Variants in ENAH observed in about 807,000 individuals in gnomAD.
The protein encoded by ENAH is ENAH actin regulator, also known as protein enabled homolog.
A neutral mutation model predicts 78.7 loss-of-function variants in ENAH; 23 were observed. The ratio of observed to expected loss-of-function variants is 0.29; its 90% CI spans 0.21 to 0.41. ENAH has a LOEUF of 0.41. Ranked by LOEUF, ENAH falls within the 10% of genes least tolerant of loss-of-function variation. The pLI, the probability that ENAH is intolerant of heterozygous loss-of-function variation, is 1.00. For synonymous variants in ENAH, 226 were observed against 241.0 expected (o/e 0.94, Z 0.58); for missense variants, 544 against 691.0 (o/e 0.79, Z 2.39).
At chr1:225,580,398 CCGTGATGACTTCAGTTGAGA>C (rs2096810122) in intron 1 of ENAH, 1 of 152,150 alleles carries the variant, frequency 6.6e-6, no homozygotes, top group Non-Finnish European at 1.5e-5. Flanking sequence ...CCTCCTCCCC[CCGTGATGACTTCAGTTGAGA>C]CTGCAGCCCT....
At chr1:225,502,833 T>C (rs2096291411) in intron 11 of ENAH, among the ~76,000 whole-genome samples, 1 of 152,224 alleles carries the variant, frequency 6.6e-6, no homozygotes, top group Non-Finnish European at 1.5e-5. Flanking sequence ...ATTTCATATA[T>C]TCACTCATGC....
At chr1:225,540,539 C>T (rs2096584094) in intron 3 of ENAH, among the ~76,000 whole-genome samples, 1 of 152,052 alleles carries the variant, frequency 6.6e-6, no homozygotes, top group African/African-American at 2.4e-5. Context: ...GAAGATAGGG[C>T]AATTCTGGGC....
chr1:225,611,888 G>A (rs970724133), intron 1 of ENAH, among the ~76,000 whole-genome samples: 1 of 152,168 alleles, frequency 6.6e-6, no homozygotes, highest in Non-Finnish European at 1.5e-5. Context: ...ACACTCACTA[G>A]GATGGCTATC....
At chr1:225,632,236 C>A (rs895621218) in intron 1 of ENAH, among the ~76,000 whole-genome samples, 2 of 152,164 alleles carry the variant, frequency 1.3e-5, no homozygotes, top group Non-Finnish European at 2.9e-5. Context: ...CAGGGGCTCA[C>A]ACCTGTAATC....
intron 3 of ENAH, 25 bp downstream of exon 3, chr1:225,554,881 T>C (rs1174025667): frequency 2.7e-6 from 4 of 1,457,438 alleles, no homozygotes; most frequent in African/African-American, 1.4e-5. Flanking sequence ...AGAAAGAAAA[T>C]ACAAATAAAC....
At chr1:225,512,328 T>C (rs2096383695) in intron 9 of ENAH, among the ~76,000 whole-genome samples, 1 of 152,178 alleles carries the variant, frequency 6.6e-6, no homozygotes. Flanking sequence ...TCCTTCCTTT[T>C]AAATTAATGC....
chr1:225,585,081 T>C (rs1451724983), intron 1 of ENAH, among the ~76,000 whole-genome samples: 1 of 151,778 alleles, frequency 6.6e-6, no homozygotes, highest in Non-Finnish European at 1.5e-5. Flanking sequence ...CAGGCAGTAG[T>C]GGCGTGTGCC....
chr1:225,593,405 G>GTGT (rs1558873999), intron 1 of ENAH, among the ~76,000 whole-genome samples: 1 of 116,844 alleles, frequency 8.6e-6, no homozygotes, highest in Non-Finnish European at 1.7e-5. Flanking sequence ...GTGTGTGGGG[G>GTGT]GGGGGGGGGG....
intron 1 of ENAH, among the ~76,000 whole-genome samples, chr1:225,650,941 A>G (rs546571844): frequency 2.8e-4 from 43 of 151,786 alleles, no homozygotes; most frequent in African/African-American, 9.9e-4. Context: ...AACAACTGAT[A>G]ACTTCTGGTC....
intron 1 of ENAH, among the ~76,000 whole-genome samples, chr1:225,613,344 CTTCTCCTCCA>C (rs1324091764): frequency 6.6e-6 from 1 of 152,166 alleles, no homozygotes; most frequent in Admixed American, 6.6e-5. Flanking sequence ...TTGGTACATC[CTTCTCCTCCA>C]TTCAGCTACC....
chr1:225,519,569 G>GAA lies in ENAH; in HGVS notation c.435-6_435-5dup, dbSNP rs34432111. 2,648 of 1,482,700 alleles carry GAA rather than the reference G, an allele frequency of 1.8e-3. No individual in the cohort carries two copies. Among genetic ancestry groups the GAA allele is most frequent in the South Asian group, 7.2e-3 (567 of 78,880 alleles). 91.8% of individuals were successfully genotyped at this position (1,482,700 alleles called of 1,614,324 possible). Reference sequence around the variant, plus strand: ...CCGTTGCTGTTCTTGTAGTTGTCTGGAAAAAAAAAAAAAAAAGTAAAAACA... The same window carrying GAA: ...CCGTTGCTGTTCTTGTAGTTGTCTGGAAAAAAAAAAAAAAAAAAGTAAAAACA... On this transcript the variant is annotated splice_region_variant and splice_polypyrimidine_tract_variant and intron_variant, in intron 4 of 13. Transcript: ENST00000366843.
chr1:225,643,397 T>TA (rs751122871), intron 1 of ENAH, among the ~76,000 whole-genome samples: 5,142 of 140,880 alleles, frequency 0.036, 100 homozygotes, highest in Non-Finnish European at 0.055. Flanking sequence ...AAACAAAAAA[T>TA]AAAAAAAAAA....
intron 1 of ENAH, among the ~76,000 whole-genome samples, chr1:225,624,913 T>G (rs968976773): frequency 6.6e-6 from 1 of 152,150 alleles, no homozygotes; most frequent in Non-Finnish European, 1.5e-5. Flanking sequence ...ACCAAATAAG[T>G]GGGAAAGCTA....
At chr1:225,623,947 T>A (rs1357039799) in intron 1 of ENAH, among the ~76,000 whole-genome samples, 1 of 152,104 alleles carries the variant, frequency 6.6e-6, no homozygotes, top group Non-Finnish European at 1.5e-5. Context: ...GAATCCCCAG[T>A]GTTTATTGTT....
At chr1:225,621,510 T>C (rs1417099889) in intron 1 of ENAH, among the ~76,000 whole-genome samples, 2 of 151,798 alleles carry the variant, frequency 1.3e-5, no homozygotes, top group African/African-American at 4.9e-5. Context: ...GCCGGGATGG[T>C]CTCGATCTCC....
At chr1:225,569,857 T>A (rs565047730) in intron 1 of ENAH, among the ~76,000 whole-genome samples, 18 of 152,154 alleles carry the variant, frequency 1.2e-4, no homozygotes, top group Non-Finnish European at 2.5e-4. Context: ...CATGTGGGTA[T>A]GTGGCACACT....
Position 225,494,997 on chromosome 1 carries a change from G to A in ENAH, c.*2778C>T, listed in dbSNP as rs942574479. The A allele has an allele frequency of 6.6e-6, 1 of 152,622 alleles. No individual in the cohort carries two copies. Among genetic ancestry groups the A allele is most frequent in the African/African-American group, 2.4e-5 (1 of 41,456 alleles). 9.5% of individuals were successfully genotyped at this position (152,622 alleles called of 1,614,324 possible). ...TAGTGTTTCATCTTCAGTTTTGATT[G>A]ACACTTGATGCTTGCAAATTTTTAA... On this transcript the variant is annotated 3_prime_UTR_variant, in exon 14 of 14. Coordinates refer to ENST00000366843, the MANE Select transcript of ENAH (RefSeq NM_018212.6).
chr1:225,609,192 A>AG (rs2096974100), intron 1 of ENAH, among the ~76,000 whole-genome samples: 2 of 152,304 alleles, frequency 1.3e-5, no homozygotes, highest in Admixed American at 1.3e-4. Flanking sequence ...ATAAAAAAAA[A>AG]AGAAACTGAA....
chr1:225,607,511 G>A (rs1393888398), intron 1 of ENAH, among the ~76,000 whole-genome samples: 1 of 138,142 alleles, frequency 7.2e-6, no homozygotes. Flanking sequence ...AGCAGGGTGG[G>A]GGGCAAAAAA....
Sources: gnomAD v4.1 joint callset for allele counts (sites outside exome capture counted in the v4.1 genomes callset) on GRCh38, gnomAD v4.1.1 for gene constraint, MANE v1.5 for transcripts, NCBI Gene and HGNC (gene_info 2026-07-23, HGNC 2026-07-21) for gene names.